The following TCF4 variants were observed in gnomAD, a reference collection of about 807,000 sequenced individuals.
TCF4 encodes the protein transcription factor 4.
Under a neutral mutation model 82.1 loss-of-function variants are expected in TCF4, and 3 were observed. That is an observed-to-expected ratio of 0.04 (90% CI 0.02 to 0.09). TCF4 has a LOEUF of 0.09. Among genes scored for constraint, TCF4 ranks in the 10% least tolerant of loss-of-function variants. TCF4 has a pLI of 1.00. For synonymous variants in TCF4, 276 were observed against 309.6 expected (o/e 0.89, Z 1.14); for missense variants, 518 against 852.7 (o/e 0.61, Z 4.89).
intron 2 of TCF4, among the ~76,000 whole-genome samples, chr18:55,618,069 T>C (rs957772726): frequency 3.3e-5 from 5 of 152,162 alleles, no homozygotes; most frequent in African/African-American, 1.2e-4. Flanking sequence ...TTGAGTACAA[T>C]GTTAGCTATG....
rs533786851 is a variant in TCF4 at position 55,456,327 on chromosome 18, G to A, written c.304+4692C>T. 6.0e-4 allele frequency among the ~76,000 whole-genome samples: 91 copies of A among 152,242 alleles called. 1 individual carries two copies. In the Middle Eastern group the frequency reaches 0.014, roughly 23 times the overall value. On this transcript the variant is annotated intron_variant, in intron 5 of 19. Coordinates refer to ENST00000354452, the MANE Select transcript of TCF4 (RefSeq NM_001083962.2). ...GGTTAGAACCCAGCTACCCTATGGC[G>A]GTAAATTATTTAATGCTCTGGGAGA...
intron 2 of TCF4, 113 bp downstream of exon 2, chr18:55,586,932 C>CT: frequency 1.1e-6 from 1 of 897,872 alleles, no homozygotes. Context: ...AAGGATTCAG[C>CT]CAATTAAAAA....
intron 6 of TCF4, among the ~76,000 whole-genome samples, chr18:55,387,642 C>T (rs944246504): frequency 4.6e-5 from 7 of 152,146 alleles, no homozygotes; most frequent in Admixed American, 1.3e-4. Context: ...TTTACAATGT[C>T]GGGATTCTGT....
chr18:55,427,578 C>T (rs1004395930), intron 5 of TCF4, among the ~76,000 whole-genome samples: 1 of 152,118 alleles, frequency 6.6e-6, no homozygotes, highest in Non-Finnish European at 1.5e-5. Flanking sequence ...TTGATGCCTC[C>T]ATCTTCTCAT....
chr18:55,259,771 C>T (rs961963970), intron 13 of TCF4, 178 bp downstream of exon 13: 4 of 615,926 alleles, frequency 6.5e-6, no homozygotes, highest in East Asian at 2.8e-5. Context: ...TGGATGTAAA[C>T]GACTATACTG....
At chr18:55,451,601 A>T (rs536987372) in intron 5 of TCF4, among the ~76,000 whole-genome samples, 1 of 152,332 alleles carries the variant, frequency 6.6e-6, no homozygotes, top group South Asian at 2.1e-4. Context: ...TTTATTGAGG[A>T]TGAATACAGC....
Position 55,634,930 on chromosome 18 carries a change from G to A in TCF4, c.195+773C>T, listed in dbSNP as rs2097734843. Among the ~76,000 whole-genome samples the A allele has an allele frequency of 2.0e-5, 3 of 152,200 alleles. No homozygotes were observed. The South Asian group carries it at 6.2e-4, about 31-fold the overall frequency. On this transcript the variant is annotated intron_variant, in intron 1 of 20. Transcript: ENST00000398339. ...ATAAAGGAAGTCGTAAGGGGGTGCT[G>A]TTTTATGCAGAAATTATGAGTTCCT...
intron 2 of TCF4, chr18:55,631,206 T>A: frequency 1.8e-6 from 1 of 550,528 alleles, no homozygotes; most frequent in Non-Finnish European, 3.2e-6. Flanking sequence ...CATGCCACCA[T>A]ACCCAGCTAA....
At chr18:55,483,225 A>G (rs1425272383) in intron 3 of TCF4, among the ~76,000 whole-genome samples, 1 of 152,226 alleles carries the variant, frequency 6.6e-6, no homozygotes, top group Non-Finnish European at 1.5e-5. Context: ...ACCATTCTGC[A>G]GTGCTCCTGT....
chr18:55,417,866 C>G (rs1486713185), intron 5 of TCF4, among the ~76,000 whole-genome samples: 1 of 151,906 alleles, frequency 6.6e-6, no homozygotes, highest in Non-Finnish European at 1.5e-5. Flanking sequence ...GTTTTTATTT[C>G]TCCCAAAGAA....
intron 2 of TCF4, among the ~76,000 whole-genome samples, chr18:55,616,208 T>C (rs1007618137): frequency 2.6e-5 from 4 of 152,148 alleles, no homozygotes; most frequent in African/African-American, 7.2e-5. Flanking sequence ...ACATACTTTA[T>C]ATAAGTTGAG....
intron 2 of TCF4, among the ~76,000 whole-genome samples, chr18:55,614,042 T>C (rs1246191596): frequency 6.6e-6 from 1 of 152,138 alleles, no homozygotes; most frequent in Non-Finnish European, 1.5e-5. Flanking sequence ...CCCAATCACA[T>C]ACCACTGCAT....
chr18:55,350,850 C>T, intron 7 of TCF4, 24 bp downstream of exon 7: 1 of 1,612,876 alleles, frequency 6.2e-7, no homozygotes, highest in South Asian at 1.1e-5. Flanking sequence ...ATCCCTCAGG[C>T]ATTCAAACAA....
rs1600569698 is a variant in TCF4, at chr18:55,261,350, T to C, written c.990+116A>G. The C allele has an allele frequency of 4.6e-6, 6 of 1,291,784 alleles. No homozygotes were observed. The East Asian group carries it at 9.3e-5, about 20-fold the overall frequency. The allele number at this position is 1,291,784 out of a possible 1,614,324, so 80.0% of individuals were successfully genotyped here. A position where few individuals can be genotyped will look rare whatever the true frequency, so the allele number is the denominator to read the frequency against. Reference sequence around the variant, plus strand: ...GACTGTTATGCAAGAAAGCTAGCATTTTCCAAAAATCAAAGCTATTTGCCA... The same window carrying C: ...GACTGTTATGCAAGAAAGCTAGCATCTTCCAAAAATCAAAGCTATTTGCCA... On this transcript the variant is annotated intron_variant, in intron 12 of 19. Transcript: ENST00000354452.
intron 10 of TCF4, 124 bp downstream of exon 10, chr18:55,275,494 GA>G: frequency 8.0e-7 from 1 of 1,242,608 alleles, no homozygotes; most frequent in East Asian, 2.3e-5. Context: ...TACAACTTAA[GA>G]ATAATGGGTG....
At chr18:55,598,755 A>G (rs934395354) in intron 2 of TCF4, among the ~76,000 whole-genome samples, 2 of 152,206 alleles carry the variant, frequency 1.3e-5, no homozygotes. Flanking sequence ...AATCAATTCA[A>G]ACTGGCTTAA....
At chr18:55,491,657 T>C (rs1328976225) in intron 3 of TCF4, among the ~76,000 whole-genome samples, 1 of 152,180 alleles carries the variant, frequency 6.6e-6, no homozygotes, top group Non-Finnish European at 1.5e-5. Flanking sequence ...ACAGAAGATT[T>C]TGTAATCTAA....
chr18:55,435,588 A>C (rs942420277), intron 5 of TCF4, among the ~76,000 whole-genome samples: 1 of 152,218 alleles, frequency 6.6e-6, no homozygotes, highest in Non-Finnish European at 1.5e-5. Context: ...ACAGCCCTTC[A>C]TGAGCTGGCT....
chr18:55,345,465 T>C (rs1457515725), intron 8 of TCF4, among the ~76,000 whole-genome samples: 1 of 152,178 alleles, frequency 6.6e-6, no homozygotes, highest in African/African-American at 2.4e-5. Flanking sequence ...TTTGTCCTAT[T>C]TGAGATGACT....
Sources: gnomAD v4.1 joint callset for allele counts (sites outside exome capture counted in the v4.1 genomes callset) on GRCh38, gnomAD v4.1.1 for gene constraint, MANE v1.5 for transcripts, NCBI Gene and HGNC (gene_info 2026-07-23, HGNC 2026-07-21) for gene names.